PCGF5: variants seen among roughly 807,000 people sequenced by gnomAD.
The protein encoded by PCGF5 is polycomb group RING finger protein 5.
Under a neutral mutation model 44.3 loss-of-function variants are expected in PCGF5, and 9 were observed. The observed-to-expected ratio is 0.20, with a 90% CI of 0.12 to 0.35. The LOEUF is 0.35. PCGF5 is among the 10% of genes least tolerant of loss of function. The pLI, the probability that PCGF5 is intolerant of heterozygous loss-of-function variation, is 1.00. For missense variants in PCGF5, 146 were observed against 305.3 expected (o/e 0.48, Z 3.89); for synonymous variants, 95 against 102.5 (o/e 0.93, Z 0.44).
At chr10:91,166,679 C>A (rs1429450271) in intron 1 of PCGF5, among the ~76,000 whole-genome samples, 1 of 152,130 alleles carries the variant, frequency 6.6e-6, no homozygotes, top group Non-Finnish European at 1.5e-5. Context: ...ATAGAAAAGC[C>A]TAGACTTTGC....
At chr10:91,199,132 C>A (rs1007196849) in intron 1 of PCGF5, among the ~76,000 whole-genome samples, 20 of 152,202 alleles carry the variant, frequency 1.3e-4, no homozygotes, top group Non-Finnish European at 1.5e-5. Context: ...CTGGGTCTTA[C>A]AGCATTCAAG....
Position 91,264,437 on chromosome 10 carries a change from G to A in PCGF5, c.580G>A (p.Val194Met). The change falls in exon 8 of 10, where the codon GTG becomes ATG. Residue 194 changes from valine (V) to methionine (M), a missense_variant. Coordinates refer to ENST00000336126, the MANE Select transcript of PCGF5 (RefSeq NM_032373.5). ...LKLPSSYELD[V>M]LCNGEIMGKD... ...ATAATGATTCTTTTTAAAGTTGGAT[G>A]TGCTGTGCAATGGTGAAATTATGGG... 1 of 1,602,928 alleles carries A rather than the reference G, an allele frequency of 6.2e-7. No homozygotes were observed. The highest frequency in any genetic ancestry group is 8.5e-7 in the Non-Finnish European group (1 of 1,174,826).
chr10:91,176,519 T>G (rs553419709), intron 1 of PCGF5, among the ~76,000 whole-genome samples: 1 of 152,362 alleles, frequency 6.6e-6, no homozygotes, highest in East Asian at 1.9e-4. Context: ...CCAACTTGGT[T>G]CCATTCTCCC....
chr10:91,209,000 C>T (rs956448496), intron 1 of PCGF5, among the ~76,000 whole-genome samples: 3 of 152,160 alleles, frequency 2.0e-5, no homozygotes, highest in African/African-American at 4.8e-5. Context: ...TGGTCAAATA[C>T]TTTTTTTCCC....
intron 7 of PCGF5, among the ~76,000 whole-genome samples, chr10:91,263,683 A>G (rs1291380239): frequency 6.6e-6 from 1 of 152,204 alleles, no homozygotes; most frequent in Non-Finnish European, 1.5e-5. Context: ...TAGCCTTCTT[A>G]AAGATTTAGG....
chr10:91,231,941 T>C (rs1020674829), intron 2 of PCGF5, among the ~76,000 whole-genome samples: 2 of 152,220 alleles, frequency 1.3e-5, no homozygotes, highest in African/African-American at 4.8e-5. Flanking sequence ...ATGTAAGTTA[T>C]AACATATTCA....
intron 1 of PCGF5, among the ~76,000 whole-genome samples, chr10:91,171,535 G>A (rs11186480): frequency 0.23 from 34,468 of 151,984 alleles, 4,523 homozygotes; most frequent in Middle Eastern, 0.33. Flanking sequence ...ATTGGAAGTA[G>A]AGATGCTGTG....
rs1297767085 is a variant in PCGF5, at chr10:91,227,896, C to T, written c.112+4913C>T. 5.1e-6 allele frequency: 5 copies of T among 983,356 alleles called. No individual in the cohort carries two copies. The African/African-American group carries it at 8.7e-5, about 17-fold the overall frequency. The allele number at this position is 983,356 out of a possible 1,614,324, so 60.9% of individuals were successfully genotyped here. A position where few individuals can be genotyped will look rare whatever the true frequency, so the allele number is the denominator to read the frequency against. ...ATCCCCTCTAAGATGTGCCCTACCA[C>T]CTGCAGATTTGGGTTAAGTGTCTCA... On this transcript the variant is annotated intron_variant, in intron 2 of 9. Transcript: ENST00000336126.
At chr10:91,210,432 C>A (rs1215704168) in intron 1 of PCGF5, among the ~76,000 whole-genome samples, 2 of 152,240 alleles carry the variant, frequency 1.3e-5, no homozygotes, top group African/African-American at 4.8e-5. Flanking sequence ...GTAAGATACA[C>A]AAGGTGGTAC....
chr10:91,160,658 C>A (rs1041142635), upstream of PCGF5, among the ~76,000 whole-genome samples: 1 of 151,496 alleles, frequency 6.6e-6, no homozygotes, highest in Non-Finnish European at 1.5e-5. Context: ...AGAAGTCAGG[C>A]GGAGATATAT....
At chr10:91,184,060 GTATC>G (rs1177991247) in intron 1 of PCGF5, among the ~76,000 whole-genome samples, 1 of 152,082 alleles carries the variant, frequency 6.6e-6, no homozygotes, top group East Asian at 1.9e-4. Flanking sequence ...TTCTCATGGA[GTATC>G]TTACTGGGGT....
intron 1 of PCGF5, among the ~76,000 whole-genome samples, chr10:91,202,240 C>T (rs1050149153): frequency 1.3e-5 from 2 of 152,152 alleles, no homozygotes; most frequent in African/African-American, 2.4e-5. Flanking sequence ...TATGGTTCTT[C>T]TGTCTTTTTT....
intron 2 of PCGF5, among the ~76,000 whole-genome samples, chr10:91,230,936 G>A (rs936882114): frequency 6.6e-6 from 1 of 152,034 alleles, no homozygotes; most frequent in Non-Finnish European, 1.5e-5. Flanking sequence ...TTATTTTAGA[G>A]ACGGGATCTT....
chr10:91,237,894 A>G lies in PCGF5; in HGVS notation c.113-2590A>G, dbSNP rs902127871. 2.6e-5 allele frequency among the ~76,000 whole-genome samples: 4 copies of G among 152,226 alleles called. No homozygotes were observed. The East Asian group carries it at 7.7e-4, about 29-fold the overall frequency. Reference sequence around the variant, plus strand: ...ATCTCAGTTGTTGGTGTGAAAATAAACTCACCTCTTGATAGGAGGGATTCT... The same window carrying G: ...ATCTCAGTTGTTGGTGTGAAAATAAGCTCACCTCTTGATAGGAGGGATTCT... On this transcript the variant is annotated intron_variant, in intron 2 of 9. Coordinates refer to ENST00000336126, the MANE Select transcript of PCGF5 (RefSeq NM_032373.5).
chr10:91,249,371 GTATATATATATATATATATA>G (rs3074316), intron 5 of PCGF5, among the ~76,000 whole-genome samples: 5,937 of 120,442 alleles, frequency 0.049, 241 homozygotes, highest in African/African-American at 0.094. Flanking sequence ...GGCTTTTAGT[GTATATATATATATATATATA>G]TATATATATA....
chr10:91,270,228 C>T (rs1364804886), intron 8 of PCGF5, among the ~76,000 whole-genome samples: 14 of 152,108 alleles, frequency 9.2e-5, no homozygotes, highest in Admixed American at 9.2e-4. Context: ...CCCAGCTCAT[C>T]CTGATTTAGT....
rs1846370028 is a variant in PCGF5 at position 91,278,423 on chromosome 10, C to A, written c.*107C>A. On this transcript the variant is annotated 3_prime_UTR_variant, in exon 10 of 10. Coordinates refer to ENST00000336126, the MANE Select transcript of PCGF5 (RefSeq NM_032373.5). ...GACTAGAGGAACACAACCAGATTTT[C>A]AGCATGCAAATAAGGCCATTGTCTA... 3 of 1,006,910 alleles carry A rather than the reference C, an allele frequency of 3.0e-6. No individual in the cohort carries two copies. The highest frequency in any genetic ancestry group is 3.2e-5 in the African/African-American group (2 of 62,830). The allele number at this position is 1,006,910 out of a possible 1,614,324, so 62.4% of individuals were successfully genotyped here. A position where few individuals can be genotyped will look rare whatever the true frequency, so the allele number is the denominator to read the frequency against.
At chr10:91,260,094 G>T (rs962260085) in intron 6 of PCGF5, among the ~76,000 whole-genome samples, 3 of 131,628 alleles carry the variant, frequency 2.3e-5, no homozygotes, top group African/African-American at 3.6e-5. Context: ...TCCAGAATCT[G>T]CAATGAACTC....
At chr10:91,262,547 A>C (rs1332641863) in intron 7 of PCGF5, among the ~76,000 whole-genome samples, 1 of 152,244 alleles carries the variant, frequency 6.6e-6, no homozygotes, top group Non-Finnish European at 1.5e-5. Context: ...TATCATGAAG[A>C]GTCATCATAG....
Sources: allele counts gnomAD v4.1 joint callset (sites outside exome capture counted in the v4.1 genomes callset), GRCh38; gene constraint gnomAD v4.1.1; transcripts MANE v1.5; gene names NCBI Gene and HGNC (gene_info 2026-07-23, HGNC 2026-07-21).